VGLL4: variants seen among roughly 807,000 people sequenced by gnomAD.
The protein encoded by VGLL4 is vestigial like family member 4, also known as transcription cofactor vestigial-like protein 4.
Under a neutral mutation model 21.0 loss-of-function variants are expected in VGLL4, and 7 were observed. The ratio of observed to expected loss-of-function variants is 0.33; its 90% CI spans 0.19 to 0.63. The LOEUF is 0.63. VGLL4 is among the 20% of genes least tolerant of loss of function. The pLI is 0.78. For synonymous variants in VGLL4, 222 were observed against 173.2 expected (o/e 1.28, Z -2.21); for missense variants, 394 against 425.7 (o/e 0.93, Z 0.66).
chr3:11,703,167 A>T, intron 1 of VGLL4: 1 of 827,892 alleles, frequency 1.2e-6, no homozygotes, highest in Non-Finnish European at 1.7e-6. Flanking sequence ...CTAAGGATGA[A>T]ATTCTTCCCA....
At chr3:11,614,839 G>C (rs1298036077) in intron 1 of VGLL4, among the ~76,000 whole-genome samples, 1 of 152,208 alleles carries the variant, frequency 6.6e-6, no homozygotes, top group Non-Finnish European at 1.5e-5. Context: ...GTCAGCTTCA[G>C]TCAACCTTAC....
At chr3:11,605,355 A>G (rs1173347245) in intron 1 of VGLL4, among the ~76,000 whole-genome samples, 1 of 141,954 alleles carries the variant, frequency 7.0e-6, no homozygotes, top group African/African-American at 2.8e-5. Context: ...CATTCTCAGC[A>G]TGTTGGCCCA....
intron 1 of VGLL4, among the ~76,000 whole-genome samples, chr3:11,611,306 T>G (rs2075057364): frequency 6.6e-6 from 1 of 152,146 alleles, no homozygotes; most frequent in South Asian, 2.1e-4. Flanking sequence ...AATCTGACTG[T>G]TGTCCCTATA....
chr3:11,665,095 A>C lies in VGLL4; in HGVS notation c.64+37876T>G, dbSNP rs1169605387. 2.3e-3 allele frequency among the ~76,000 whole-genome samples: 183 copies of C among 78,414 alleles called. 45 individuals carry two copies. Among genetic ancestry groups the C allele is most frequent in the Non-Finnish European group, 2.2e-3 (80 of 37,068 alleles). 51.4% of individuals were successfully genotyped at this position (78,414 alleles called of 152,430 possible). On this transcript the variant is annotated intron_variant, in intron 2 of 5. Coordinates refer to the VGLL4 transcript ENST00000273038. ...TCACCAAAATGAAAGCAATTTGAAT[A>C]TTTTTCTTTTTTTTTTTTTTTTTTT...
At chr3:11,636,248 A>G (rs1408561907) in intron 1 of VGLL4, among the ~76,000 whole-genome samples, 1 of 152,238 alleles carries the variant, frequency 6.6e-6, no homozygotes, top group Non-Finnish European at 1.5e-5. Flanking sequence ...TAGTGTAAAC[A>G]TCTTTGCTAA....
At chr3:11,714,309 G>T (rs116807255) in intron 1 of VGLL4, among the ~76,000 whole-genome samples, 1,590 of 152,236 alleles carry the variant, frequency 0.01, 31 homozygotes, top group African/African-American at 0.035. Flanking sequence ...TGAAACTACT[G>T]TTATCTAAGG....
chr3:11,605,420 C>G (rs1269035748), intron 1 of VGLL4, among the ~76,000 whole-genome samples: 1 of 151,512 alleles, frequency 6.6e-6, no homozygotes, highest in Admixed American at 6.6e-5. Context: ...GAAACCCCAA[C>G]TGCCTTTCTC....
At chr3:11,701,119 T>G (rs1033708589) in intron 2 of VGLL4, among the ~76,000 whole-genome samples, 5 of 152,116 alleles carry the variant, frequency 3.3e-5, no homozygotes, top group African/African-American at 1.2e-4. Flanking sequence ...CATGTAAGAA[T>G]GTGATCCCCA....
At chr3:11,686,150 C>G (rs1465714282) in intron 2 of VGLL4, among the ~76,000 whole-genome samples, 1 of 152,162 alleles carries the variant, frequency 6.6e-6, no homozygotes, top group African/African-American at 2.4e-5. Flanking sequence ...TAAAAAATTT[C>G]CATATGATCC....
At chr3:11,585,445 A>G (rs80139179) in intron 2 of VGLL4, among the ~76,000 whole-genome samples, 13 of 150,988 alleles carry the variant, frequency 8.6e-5, no homozygotes, top group East Asian at 3.9e-4. Flanking sequence ...AAAAAAAAAA[A>G]AGAGAGAGAG....
Position 11,712,108 on chromosome 3 carries a change from T to C in VGLL4, c.-14+8286A>G, listed in dbSNP as rs1288245642. 2.0e-5 allele frequency among the ~76,000 whole-genome samples: 3 copies of C among 152,330 alleles called. No individual in the cohort carries two copies. In the East Asian group the frequency reaches 5.8e-4, roughly 29 times the overall value. On this transcript the variant is annotated intron_variant, in intron 1 of 5. Coordinates refer to the VGLL4 transcript ENST00000273038. ...ATCTCTCATTTGAGTAATCCTTTTT[T>C]CTTCTCGCACTTTACCATCTGTTAA...
intron 2 of VGLL4, among the ~76,000 whole-genome samples, chr3:11,659,688 T>C (rs1221670032): frequency 6.6e-6 from 1 of 151,992 alleles, no homozygotes; most frequent in Admixed American, 6.6e-5. Context: ...GGCATTGGCA[T>C]GGGCCCTTAA....
At chr3:11,705,466 G>C (rs2125407698) in intron 1 of VGLL4, among the ~76,000 whole-genome samples, 1 of 152,314 alleles carries the variant, frequency 6.6e-6, no homozygotes, top group South Asian at 2.1e-4. Context: ...AGAGAGGATG[G>C]GTAAAAGCAG....
intron 1 of VGLL4, among the ~76,000 whole-genome samples, chr3:11,603,856 G>A (rs941346221): frequency 2.6e-5 from 4 of 152,176 alleles, no homozygotes; most frequent in East Asian, 3.9e-4. Context: ...CTCCAAAAAA[G>A]GAGCCGTCAC....
At chr3:11,606,100 C>T (rs777497414) in intron 1 of VGLL4, among the ~76,000 whole-genome samples, 7 of 151,988 alleles carry the variant, frequency 4.6e-5, no homozygotes, top group African/African-American at 1.4e-4. Context: ...CGGAGGAAGC[C>T]GAAAGGCATG....
At chr3:11,629,431 G>A (rs1425959950) in intron 1 of VGLL4, among the ~76,000 whole-genome samples, 1 of 151,896 alleles carries the variant, frequency 6.6e-6, no homozygotes, top group Admixed American at 6.6e-5. Flanking sequence ...CATAAAACGA[G>A]GTTGGGCCAC....
At chr3:11,675,332 C>A (rs1412235941) in intron 2 of VGLL4, among the ~76,000 whole-genome samples, 1 of 150,930 alleles carries the variant, frequency 6.6e-6, no homozygotes, top group Non-Finnish European at 1.5e-5. Flanking sequence ...GGGGACAGAG[C>A]AAGGCACTGT....
At chr3:11,559,238 T>C in intron 4 of VGLL4, 94 bp downstream of exon 4, 4 of 1,448,196 alleles carry the variant, frequency 2.8e-6, no homozygotes, top group South Asian at 2.9e-5. Flanking sequence ...ATAGATGGGC[T>C]CAGGGGCGAG....
At chr3:11,685,400 T>C (rs1252446069) in intron 2 of VGLL4, among the ~76,000 whole-genome samples, 2 of 152,100 alleles carry the variant, frequency 1.3e-5, no homozygotes, top group Non-Finnish European at 2.9e-5. Context: ...GGTTTCATCA[T>C]GTTGGTCAGG....
Sources: gnomAD v4.1 joint callset for allele counts (sites outside exome capture counted in the v4.1 genomes callset) on GRCh38, gnomAD v4.1.1 for gene constraint, MANE v1.5 for transcripts, NCBI Gene and HGNC (gene_info 2026-07-23, HGNC 2026-07-21) for gene names.